Variants in MTRF1 observed in about 807,000 individuals in gnomAD.
MTRF1 encodes the protein mitochondrial translation release factor 1, also known as peptide chain release factor 1, mitochondrial.
A neutral mutation model predicts 62.9 loss-of-function variants in MTRF1; 51 were observed. The observed-to-expected ratio is 0.81, with a 90% confidence interval of 0.65 to 1.02. The LOEUF (loss-of-function observed/expected upper bound fraction) is 1.02. Among genes scored for constraint, MTRF1 ranks in the 50% least tolerant of loss-of-function variants. MTRF1 has a pLI of 0.00. For missense variants in MTRF1, 446 were observed against 530.0 expected, an observed-to-expected ratio of 0.84 and a Z score of 1.56; for synonymous variants, 158 against 181.9, an observed-to-expected ratio of 0.87 and a Z score of 1.06.
At position 41,246,954 on chromosome 13, in the gene MTRF1, A is replaced by T. The variant is rs540444486; in HGVS notation, c.697+5691T>A. Among the ~76,000 whole-genome samples the T allele has an allele frequency of 5.9e-5, 9 of 152,270 alleles. No homozygotes were observed. In the South Asian group the frequency reaches 1.9e-3, roughly 32 times the overall value. On this transcript the variant is annotated intron_variant, in intron 5 of 9. Coordinates refer to ENST00000379480, the MANE Select transcript of MTRF1 (RefSeq NM_004294.4). ...GTTAGTTCCACGCTTTGGTTTCCTT[A>T]TGTGTAAATAATAATAGTATATAAC...
the MTRF1 span, among the ~76,000 whole-genome samples, chr13:41,298,900 C>T: frequency 1.4e-4 from 22 of 152,216 alleles, no homozygotes; most frequent in South Asian, 4.6e-3. Flanking sequence ...AAGGAGGAGG[C>T]CAGGTGAGGA....
intron 6 of MTRF1, chr13:41,235,167 T>C (rs1247912683): frequency 6.6e-6 from 1 of 151,972 alleles, no homozygotes; most frequent in African/African-American, 2.4e-5. Flanking sequence ...CATAGCTCAC[T>C]GCCACCTTGA....
At chr13:41,285,136 AT>A in the MTRF1 span, among the ~76,000 whole-genome samples, 1 of 152,178 alleles carries the variant, frequency 6.6e-6, no homozygotes, top group Non-Finnish European at 1.5e-5. Flanking sequence ...AGTTTTACTT[AT>A]TGTCTGGCAT....
At chr13:41,299,038 G>A in the MTRF1 span, among the ~76,000 whole-genome samples, 7 of 152,150 alleles carry the variant, frequency 4.6e-5, no homozygotes, top group East Asian at 1.4e-3. Flanking sequence ...AAAATTAGCT[G>A]GGCGTGACGC....
At chr13:41,226,151 G>A (rs78780024) in intron 8 of MTRF1, among the ~76,000 whole-genome samples, 3,062 of 152,136 alleles carry the variant, frequency 0.02, 117 homozygotes, top group African/African-American at 0.069. Context: ...CTTTTAAACC[G>A]TTTTCTTCTT....
chr13:41,227,026 C>G (rs1443585291), intron 7 of MTRF1, among the ~76,000 whole-genome samples: 1 of 152,178 alleles, frequency 6.6e-6, no homozygotes, highest in East Asian at 1.9e-4. Flanking sequence ...CGCAGTGGCT[C>G]ACACCTGTAA....
At chr13:41,220,695 A>G (rs1236342776) in intron 9 of MTRF1, 1 of 888,618 alleles carries the variant, frequency 1.1e-6, no homozygotes, top group East Asian at 6.2e-5. Context: ...CTTTCTGTCT[A>G]TTTCTCATTT....
At chr13:41,223,186 A>T in intron 9 of MTRF1, 70 bp downstream of exon 9, 1 of 1,069,542 alleles carries the variant, frequency 9.3e-7, no homozygotes. Flanking sequence ...ATATCTACAT[A>T]TATGTTCTAG....
Position 41,252,771 on chromosome 13 carries a change from A to G in MTRF1, c.590-19T>C. ...ATGTCACCTAAAACAAAATACGAAA[A>G]ATATTTAGTCAGGACAAATTTCGGA... is the stretch of plus-strand genomic sequence containing the variant. On this transcript the variant is annotated intron_variant, in intron 4 of 9. Coordinates refer to ENST00000379480, the MANE Select transcript of MTRF1 (RefSeq NM_004294.4). The G allele has an allele frequency of 6.2e-7, 1 of 1,606,570 alleles. No individual in the cohort carries two copies. The highest frequency in any genetic ancestry group is 1.7e-5 in the Admixed American group (1 of 59,920).
At chr13:41,307,630 T>C in the MTRF1 span, among the ~76,000 whole-genome samples, 1 of 149,332 alleles carries the variant, frequency 6.7e-6, no homozygotes, top group South Asian at 2.1e-4. Flanking sequence ...AAAAAAAAAG[T>C]GTGTAGCACC....
In MTRF1 at chr13:41,217,015, C is replaced by A; in HGVS notation, c.*100G>T. On this transcript the variant is annotated 3_prime_UTR_variant, in exon 10 of 10. Transcript: ENST00000379480. ...ATTTATGTGTAATGTGTTCTTAAAG[C>A]TGTAATTTACAAATATTCATAATGA... The A allele has an allele frequency of 1.6e-6, 1 of 606,682 alleles. No homozygotes were observed. Among genetic ancestry groups the A allele is most frequent in the Non-Finnish European group, 2.8e-6 (1 of 355,576 alleles). The allele number at this position is 606,682 out of a possible 1,614,324, so 37.6% of individuals were successfully genotyped here.
the MTRF1 span, among the ~76,000 whole-genome samples, chr13:41,273,287 C>T: frequency 5.0e-3 from 740 of 149,396 alleles, 5 homozygotes; most frequent in African/African-American, 0.016. Flanking sequence ...GATCGCGCCA[C>T]TGCACTCCAG....
chr13:41,288,730 AT>A, the MTRF1 span, among the ~76,000 whole-genome samples: 1 of 151,982 alleles, frequency 6.6e-6, no homozygotes, highest in African/African-American at 2.4e-5. Context: ...ACATTACTCG[AT>A]TTTTTTTGTT....
chr13:41,221,797 G>C (rs2033426286), intron 9 of MTRF1, among the ~76,000 whole-genome samples: 1 of 148,272 alleles, frequency 6.7e-6, no homozygotes, highest in Non-Finnish European at 1.5e-5. Context: ...CTGGTCATAA[G>C]AATGTGGCTG....
the MTRF1 span, among the ~76,000 whole-genome samples, chr13:41,301,868 A>C: frequency 3.1e-4 from 47 of 152,272 alleles, no homozygotes; most frequent in African/African-American, 1.1e-3. Flanking sequence ...ACAGATGAAA[A>C]GTCTGTCTGG....
chr13:41,221,181 G>C (rs973972972), intron 9 of MTRF1, among the ~76,000 whole-genome samples: 1 of 146,168 alleles, frequency 6.8e-6, no homozygotes, highest in East Asian at 2.0e-4. Flanking sequence ...TTCTGAGACA[G>C]AGTCTTGCTC....
At chr13:41,234,606 A>G (rs1176264252) in intron 6 of MTRF1, among the ~76,000 whole-genome samples, 1 of 152,214 alleles carries the variant, frequency 6.6e-6, no homozygotes, top group Non-Finnish European at 1.5e-5. Context: ...TATAAAATAC[A>G]CACATATATA....
At chr13:41,304,839 C>CA in the MTRF1 span, among the ~76,000 whole-genome samples, 1 of 152,182 alleles carries the variant, frequency 6.6e-6, no homozygotes, top group Non-Finnish European at 1.5e-5. Flanking sequence ...GTAAGGAACT[C>CA]AGAGTACATG....
chr13:41,311,241 G>A, the MTRF1 span: 548 of 515,572 alleles, frequency 1.1e-3, 1 homozygote, highest in Middle Eastern at 0.012. Flanking sequence ...GATCCGGCTC[G>A]GGAGGCGGAC....
Sources: allele counts gnomAD v4.1 joint callset (sites outside exome capture counted in the v4.1 genomes callset), GRCh38; gene constraint gnomAD v4.1.1; transcripts MANE v1.5; gene names NCBI Gene and HGNC (gene_info 2026-07-23, HGNC 2026-07-21).